Variants in TAF5 observed in about 807,000 individuals in gnomAD.
The protein encoded by TAF5 is TATA-box binding protein associated factor 5.
A neutral mutation model predicts 80.9 loss-of-function variants in TAF5; 20 were observed. The observed-to-expected ratio is 0.25, with a 90% CI of 0.17 to 0.36. The LOEUF (loss-of-function observed/expected upper bound fraction) is 0.36, where lower values mean the gene tolerates loss of function less well. Among genes scored for constraint, TAF5 ranks in the 10% least tolerant of loss-of-function variants. The probability of loss-of-function intolerance (pLI) is 1.00; values close to 1 mark genes in which losing one functional copy is unlikely to be tolerated. For missense variants in TAF5, 863 were observed against 1,029.4 expected (o/e 0.84, Z 2.21); for synonymous variants, 388 against 406.4 (o/e 0.95, Z 0.55).
chr10:103,378,110 C>A lies in TAF5; in HGVS notation c.798-125C>A. 1 of 737,694 alleles carries A rather than the reference C, an allele frequency of 1.4e-6. No individual in the cohort carries two copies. The highest frequency in any genetic ancestry group is 2.2e-6 in the Non-Finnish European group (1 of 460,600). The allele number at this position is 737,694 out of a possible 1,614,324, so 45.7% of individuals were successfully genotyped here. A position where few individuals can be genotyped will look rare whatever the true frequency, so the allele number is the denominator to read the frequency against. ...AAATGAGTTACTTCTTATCCTACAG[C>A]TTAGTTCAGGATTATTTAGACTACT... On this transcript the variant is annotated intron_variant, in intron 2 of 10. Transcript: ENST00000369839. This position sits in a 1 kb window ranked among gnomAD's most constrained non-coding sequence, Gnocchi z 4.1.
chr10:103,378,162 A>T lies in TAF5; in HGVS notation c.798-73A>T. 1 of 1,335,212 alleles carries T rather than the reference A, an allele frequency of 7.5e-7. No individual in the cohort carries two copies. Among genetic ancestry groups the T allele is most frequent in the Non-Finnish European group, 1.0e-6 (1 of 961,920 alleles). The allele number at this position is 1,335,212 out of a possible 1,614,324, so 82.7% of individuals were successfully genotyped here. ...CATTGAAAATATTCTGGGATGGTTT[A>T]TAAGTATATGGGGGAAAGGCAGATC... is the stretch of plus-strand genomic sequence containing the variant. On this transcript the variant is annotated intron_variant, in intron 2 of 10. Coordinates refer to ENST00000369839, the MANE Select transcript of TAF5 (RefSeq NM_006951.5). The surrounding 1 kb of genome is among the most constrained non-coding windows in gnomAD (Gnocchi z 4.1).
At position 103,388,216 on chromosome 10, in the gene TAF5, C is replaced by T. The variant is rs2093402480; in HGVS notation, c.2396C>T (p.Pro799Leu). Residue 799 changes from proline (P) to leucine (L), a missense_variant, in exon 11 of 11, where the codon CCA (proline) becomes CTA (leucine). Physicochemically the swap from Pro to Leu is moderately conservative, Grantham distance 98. This residue lies in a region of TAF5 where 368 missense variants were observed against 461.7 expected (regional missense o/e 0.80). Coordinates refer to ENST00000369839, the MANE Select transcript of TAF5 (RefSeq NM_006951.5). ...NLVLAAGAYS[P>L]Q is the part of the protein sequence containing the mutation. ...GTTCTAGCTGCAGGAGCTTATAGTC[C>T]ACAATAAACCATCGGTATTAAAGAC... The T allele has an allele frequency of 2.5e-6, 4 of 1,611,972 alleles. No homozygotes were observed. In the East Asian group the frequency reaches 8.9e-5, roughly 36 times the overall value.
chr10:103,374,668 G>T lies in TAF5; in HGVS notation c.797+1073G>T, dbSNP rs1425437680. On this transcript the variant is annotated intron_variant, in intron 2 of 10. Transcript: ENST00000369839. This position sits in a 1 kb window ranked among gnomAD's most constrained non-coding sequence, Gnocchi z 4.3. ...GCTACAGAGTCATTTCTGCTACAGAGTCATTAAAGGACCATGTCGTTATTA... is the reference window on the plus strand; with the variant it reads ...GCTACAGAGTCATTTCTGCTACAGATTCATTAAAGGACCATGTCGTTATTA... 6.6e-6 allele frequency among the ~76,000 whole-genome samples: 1 copy of T among 152,158 alleles called. No individual in the cohort carries two copies. Among genetic ancestry groups the T allele is most frequent in the Non-Finnish European group, 1.5e-5 (1 of 68,030 alleles).
chr10:103,372,761 T>A (rs1348866207), intron 1 of TAF5, among the ~76,000 whole-genome samples: 1 of 151,658 alleles, frequency 6.6e-6, no homozygotes, highest in Admixed American at 6.6e-5. Flanking sequence ...CTGGGCATAG[T>A]GGTGCATGCC....
At chr10:103,369,425 C>A (rs1326331518) in intron 1 of TAF5, among the ~76,000 whole-genome samples, 1 of 151,756 alleles carries the variant, frequency 6.6e-6, no homozygotes, top group Non-Finnish European at 1.5e-5. Flanking sequence ...GTGGCGTGAT[C>A]TTAGCTCACT....
chr10:103,376,184 T>C (rs991954986), intron 2 of TAF5, among the ~76,000 whole-genome samples: 1 of 151,478 alleles, frequency 6.6e-6, no homozygotes, highest in Admixed American at 6.6e-5. Context: ...CTCCGCCTCC[T>C]AGGTTCAAGC....
At chr10:103,382,198 A>G (rs2093384533) in intron 6 of TAF5, among the ~76,000 whole-genome samples, 1 of 152,200 alleles carries the variant, frequency 6.6e-6, no homozygotes, top group Non-Finnish European at 1.5e-5. Flanking sequence ...AAATAAGGTC[A>G]GGATTTTATT....
chr10:103,387,936 T>A lies in TAF5; in HGVS notation c.2186-70T>A, dbSNP rs577824469. ...CCCAAAATGTACAGTAAATACATAG[T>A]GTAGTGGACAAAATGTCCGAATGTA... is the stretch of plus-strand genomic sequence containing the variant. On this transcript the variant is annotated intron_variant, in intron 10 of 10. Transcript: ENST00000369839. 6 of 1,399,594 alleles carry A rather than the reference T, an allele frequency of 4.3e-6. No individual in the cohort carries two copies. In the South Asian group the frequency reaches 7.3e-5, roughly 17 times the overall value. The allele number at this position is 1,399,594 out of a possible 1,614,324, so 86.7% of individuals were successfully genotyped here.
rs2093401092 is a variant in TAF5, at chr10:103,387,863, A to G, written c.2186-143A>G. 15 of 1,069,604 alleles carry G rather than the reference A, an allele frequency of 1.4e-5. No homozygotes were observed. In the Middle Eastern group the frequency reaches 6.4e-4, roughly 45 times the overall value. The allele number at this position is 1,069,604 out of a possible 1,614,324, so 66.3% of individuals were successfully genotyped here. ...TCTCAGGTTAAAGTACTGCTTGATA[A>G]TGCTCCTTAGGAAGGAATAGAGTTA... is the stretch of plus-strand genomic sequence containing the variant. On this transcript the variant is annotated intron_variant, in intron 10 of 10. Coordinates refer to ENST00000369839, the MANE Select transcript of TAF5 (RefSeq NM_006951.5).
In TAF5 at chr10:103,381,800, C is replaced by A; in HGVS notation, c.1493C>A (p.Ser498Ter). Reference sequence around the variant, plus strand: ...GCAGATTCAACTGTCAGAGTGTGGTCGGTAACACCCAAAAAGCTTCGTAGT... The same window carrying A: ...GCAGATTCAACTGTCAGAGTGTGGTAGGTAACACCCAAAAAGCTTCGTAGT... ...GFADSTVRVW[S>*]VTPKKLRSVK... Residue 498 changes from serine (S) to a stop codon, truncating the protein, a stop_gained, in exon 6 of 11, where the codon TCG (serine) becomes TAG (stop). Transcript: ENST00000369839. LOFTEE classifies it high-confidence loss of function. 6.2e-7 allele frequency: 1 copy of A among 1,614,062 alleles called. No homozygotes were observed. Among genetic ancestry groups the A allele is most frequent in the Non-Finnish European group, 8.5e-7 (1 of 1,180,004 alleles).
Position 103,379,657 on chromosome 10 carries a change from A to G in TAF5, c.1163A>G (p.Asp388Gly). ...KEPEIEVPLD[D>G]EDEEGENEEG... ...CCAGAAATTGAGGTACCTTTGGATG[A>G]CGAGGATGAAGAGGGAGAAAATGAA... The change falls in exon 4 of 11, where the codon GAC becomes GGC. Residue 388 changes from aspartate to glycine, a missense_variant. Asp to Gly is a moderately conservative substitution (Grantham distance 94). This residue lies in a region of TAF5 where 128 missense variants were observed against 232.2 expected (regional missense o/e 0.55). Transcript: ENST00000369839. 6.2e-7 allele frequency: 1 copy of G among 1,606,904 alleles called. No homozygotes were observed. Among genetic ancestry groups the G allele is most frequent in the Non-Finnish European group, 8.5e-7 (1 of 1,178,448 alleles).
intron 9 of TAF5, 35 bp downstream of exon 9, chr10:103,387,387 T>C: frequency 1.3e-6 from 2 of 1,568,986 alleles, no homozygotes; most frequent in Non-Finnish European, 1.7e-6. Flanking sequence ...GCATCCAAGG[T>C]TGCTTTCAAA....
chr10:103,370,781 G>A (rs1466716709), intron 1 of TAF5, among the ~76,000 whole-genome samples: 2 of 152,188 alleles, frequency 1.3e-5, no homozygotes, highest in African/African-American at 4.8e-5. Flanking sequence ...AGGTATCAAA[G>A]GTGATCCTGA....
intron 2 of TAF5, 96 bp downstream of exon 2, chr10:103,373,691 C>A: frequency 1.1e-6 from 1 of 918,396 alleles, no homozygotes; most frequent in Non-Finnish European, 1.6e-6. Context: ...AAATGTAAGA[C>A]TGCAACTTAA....
chr10:103,377,352 T>C (rs926151515), intron 2 of TAF5, among the ~76,000 whole-genome samples: 2 of 152,190 alleles, frequency 1.3e-5, no homozygotes, highest in Non-Finnish European at 2.9e-5. Context: ...TCTTAGATCA[T>C]ATATTGATGA....
At chr10:103,369,287 A>G (rs939923379) in intron 1 of TAF5, among the ~76,000 whole-genome samples, 6 of 151,540 alleles carry the variant, frequency 4.0e-5, no homozygotes, top group African/African-American at 9.7e-5. Context: ...CCGCCATACA[A>G]TATACCCTTG....
At chr10:103,380,273 C>T (rs1429143340) in intron 5 of TAF5, among the ~76,000 whole-genome samples, 4 of 152,132 alleles carry the variant, frequency 2.6e-5, no homozygotes, top group East Asian at 1.9e-4. Flanking sequence ...GGACTACAGG[C>T]GCATACCGCC....
At chr10:103,384,442 C>T (rs1234889374) in intron 7 of TAF5, among the ~76,000 whole-genome samples, 1 of 152,114 alleles carries the variant, frequency 6.6e-6, no homozygotes, top group African/African-American at 2.4e-5. Flanking sequence ...ACCAGCCTGG[C>T]CAACATGGGA....
At chr10:103,376,253 G>A (rs1592092140) in intron 2 of TAF5, among the ~76,000 whole-genome samples, 1 of 151,818 alleles carries the variant, frequency 6.6e-6, no homozygotes, top group African/African-American at 2.4e-5. Flanking sequence ...CACCATGCCT[G>A]GCTAATTTTG....
Sources: gnomAD v4.1 joint callset for allele counts (sites outside exome capture counted in the v4.1 genomes callset) on GRCh38, gnomAD v4.1.1 for gene constraint, gnomAD v4.1.1 regional missense constraint, Gnocchi (gnomAD v3.1) non-coding constraint, MANE v1.5 for transcripts, NCBI Gene and HGNC (gene_info 2026-07-23, HGNC 2026-07-21) for gene names.